The following BTNL9 variants were observed in gnomAD, a reference collection of about 807,000 sequenced individuals.
BTNL9 encodes butyrophilin-like protein 9.
In BTNL9, 45 loss-of-function variants were observed where a neutral mutation model predicts 45.8. The ratio of observed to expected loss-of-function variants is 0.98; its 90% CI spans 0.77 to 1.26. The LOEUF is 1.26. BTNL9 is among the 50% of genes most tolerant of loss of function. The probability of loss-of-function intolerance (pLI) is 0.00; values close to 1 mark genes in which losing one functional copy is unlikely to be tolerated. For synonymous variants in BTNL9, 346 were observed against 330.8 expected, an observed-to-expected ratio of 1.05 and a Z score of -0.50; for missense variants, 784 against 729.7, an observed-to-expected ratio of 1.07 and a Z score of -0.86.
In BTNL9 at chr5:181,053,583, G is replaced by T. The variant is rs775949303; in HGVS notation, c.886+82G>T. On this transcript the variant is annotated intron_variant, in intron 6 of 10. Coordinates refer to ENST00000327705, the MANE Select transcript of BTNL9 (RefSeq NM_152547.5). This position sits in a 1 kb window ranked among gnomAD's most constrained non-coding sequence, Gnocchi z 6.5. ...ATCTAAAGGCTGTGGGTCCCGTTAC[G>T]AGGGTTTATTCCAGCGCGAGGTGTC... 3 of 1,550,884 alleles carry T rather than the reference G, an allele frequency of 1.9e-6. No homozygotes were observed. In the Admixed American group the frequency reaches 5.9e-5, roughly 30 times the overall value.
intron 10 of BTNL9, 197 bp from the exon 11 acceptor site, chr5:181,059,040 A>T: frequency 2.2e-6 from 1 of 463,158 alleles, no homozygotes; most frequent in Non-Finnish European, 2.8e-6. Flanking sequence ...ATTCCTTGTC[A>T]CTATCAAACA....
chr5:181,047,706 C>T lies in BTNL9; in HGVS notation c.110-221C>T, dbSNP rs1049169238. Among the ~76,000 whole-genome samples the T allele has an allele frequency of 3.3e-5, 5 of 152,236 alleles. No homozygotes were observed. In the South Asian group the frequency reaches 8.3e-4, roughly 25 times the overall value. On this transcript the variant is annotated intron_variant, in intron 2 of 10. Coordinates refer to ENST00000327705, the MANE Select transcript of BTNL9 (RefSeq NM_152547.5). ...GAAACCAGTTACCAGCTCAGCACCA[C>T]AAATCTGGTTGTGATGTCACCTGTG...
chr5:181,048,100 A>G lies in BTNL9; in HGVS notation c.283A>G (p.Arg95Gly), dbSNP rs769285034. Residue 95 changes from arginine (R) to glycine (G), a missense_variant, in exon 3 of 11, where the codon AGG (arginine) becomes GGG (glycine). Transcript: ENST00000327705. ...LYQEQQELPGRQMPAFRNRTK... is the reference protein window; with the variant it reads ...LYQEQQELPGGQMPAFRNRTK... ...CCAGGAGCAGCAGGAGCTCCCTGGCAGGCAGATGCCGGCGTTCCGGAACAG... is the reference window on the plus strand; with the variant it reads ...CCAGGAGCAGCAGGAGCTCCCTGGCGGGCAGATGCCGGCGTTCCGGAACAG... The G allele has an allele frequency of 2.1e-5, 34 of 1,613,698 alleles. No individual in the cohort carries two copies. The South Asian group carries it at 3.4e-4, about 16-fold the overall frequency.
chr5:181,043,200 G>A (rs1397541419), intron 1 of BTNL9, among the ~76,000 whole-genome samples: 2 of 151,748 alleles, frequency 1.3e-5, no homozygotes, highest in Non-Finnish European at 2.9e-5. Flanking sequence ...GTGTGTGTAT[G>A]TGTCTGTGTG....
At chr5:181,045,679 A>C (rs961788603) in intron 2 of BTNL9, 81 bp downstream of exon 2, 13 of 1,144,366 alleles carry the variant, frequency 1.1e-5, no homozygotes, top group African/African-American at 1.5e-5. Context: ...CGATCTTAGC[A>C]CAGTACCAGG....
In BTNL9 at chr5:181,053,402, CG is replaced by C; in HGVS notation, c.854-66del. The C allele has an allele frequency of 6.5e-7, 1 of 1,534,066 alleles. No homozygotes were observed. Among genetic ancestry groups the C allele is most frequent in the Non-Finnish European group, 8.8e-7 (1 of 1,139,164 alleles). On this transcript the variant is annotated intron_variant, in intron 5 of 10. Transcript: ENST00000327705. The surrounding 1 kb of genome is among the most constrained non-coding windows in gnomAD (Gnocchi z 6.5). ...GGAGGCGCCTCCCCCCAGGACGCGG[CG>C]CGGGAAGGCGGCCTGGAAGGGGCGG...
At chr5:181,045,399 C>A in intron 1 of BTNL9, 68 bp from the exon 2 acceptor site, 2 of 824,010 alleles carry the variant, frequency 2.4e-6, no homozygotes, top group Non-Finnish European at 4.2e-6. Flanking sequence ...GACTTCAGGT[C>A]TGATGGAGTG....
At chr5:181,049,976 G>C (rs2113201390) in intron 3 of BTNL9, 112 bp from the exon 4 acceptor site, 1 of 1,367,164 alleles carries the variant, frequency 7.3e-7, no homozygotes, top group East Asian at 2.3e-5. Context: ...CTTAATAGCA[G>C]TCACACTTCA....
At position 181,059,794 on chromosome 5, in the gene BTNL9, G is replaced by A. The variant is rs567861680; in HGVS notation, c.1540G>A (p.Glu514Lys). The A allele has an allele frequency of 2.5e-6, 4 of 1,604,118 alleles. No homozygotes were observed. Among genetic ancestry groups the A allele is most frequent in the African/African-American group, 1.3e-5 (1 of 74,992 alleles). ...GCCGGTTAGAGGGACGGGCGTCCCC[G>A]AAGAGAACGACAGTGACACCTGGCT... ...PLPVRGTGVPEENDSDTWLQP... is the reference protein window; with the variant it reads ...PLPVRGTGVPKENDSDTWLQP... Residue 514 changes from glutamate (E) to lysine (K), a missense_variant, in exon 11 of 11, where the codon GAA becomes AAA. Coordinates refer to ENST00000327705, the MANE Select transcript of BTNL9 (RefSeq NM_152547.5).
intron 6 of BTNL9, 56 bp from the exon 7 acceptor site, chr5:181,054,183 C>T: frequency 6.2e-7 from 1 of 1,611,044 alleles, no homozygotes; most frequent in Non-Finnish European, 8.5e-7. Flanking sequence ...CTGCCTCATT[C>T]CCCAACCTGA....
In BTNL9 at chr5:181,049,017, AT is replaced by A. The variant is rs531802099; in HGVS notation, c.454+755del. ...CAAATCAAAGCTATGTCAAAATGCAATTTTTTTTTAACTGTCAGACTAGCAA... is the reference window on the plus strand; with the variant it reads ...CAAATCAAAGCTATGTCAAAATGCAATTTTTTTTAACTGTCAGACTAGCAA... On this transcript the variant is annotated intron_variant, in intron 3 of 10. Transcript: ENST00000327705. Among the ~76,000 whole-genome samples the A allele has an allele frequency of 2.2e-4, 32 of 148,384 alleles. No homozygotes were observed. In the South Asian group the frequency reaches 4.0e-3, roughly 19 times the overall value.
At chr5:181,047,874 T>C (rs1761264985) in intron 2 of BTNL9, 53 bp from the exon 3 acceptor site, 4 of 1,508,952 alleles carry the variant, frequency 2.7e-6, no homozygotes, top group East Asian at 2.3e-5. Context: ...TGTGATAACT[T>C]TTTTAAAAAT....
chr5:181,056,688 G>A, intron 9 of BTNL9: 1 of 704,516 alleles, frequency 1.4e-6, no homozygotes, highest in Non-Finnish European at 2.6e-6. Flanking sequence ...GGGGACTGCT[G>A]GCCCATGGTG....
At chr5:181,047,868 A>G in intron 2 of BTNL9, 59 bp from the exon 3 acceptor site, 1 of 1,448,634 alleles carries the variant, frequency 6.9e-7, no homozygotes, top group South Asian at 1.3e-5. Context: ...AAGGGGTGTG[A>G]TAACTTTTTT....
At chr5:181,046,067 C>T (rs28612982) in intron 2 of BTNL9, among the ~76,000 whole-genome samples, 280 of 121,386 alleles carry the variant, frequency 2.3e-3, no homozygotes, top group African/African-American at 7.3e-3. Flanking sequence ...CTCCCCAGCC[C>T]CCAACACCTC....
Position 181,053,447 on chromosome 5 carries a change from C to T in BTNL9, c.854-22C>T, listed in dbSNP as rs543007670. ...GGGGCGGGGGCGCGCACTCAGCCCT[C>T]TCCGCTCCCGTTTCCCTTCAGAAAA... On this transcript the variant is annotated intron_variant, in intron 5 of 10. Transcript: ENST00000327705. The surrounding 1 kb of genome is among the most constrained non-coding windows in gnomAD (Gnocchi z 6.5). The T allele has an allele frequency of 3.8e-6, 6 of 1,560,394 alleles. No homozygotes were observed. Among genetic ancestry groups the T allele is most frequent in the Non-Finnish European group, 5.2e-6 (6 of 1,152,942 alleles).
intron 9 of BTNL9, chr5:181,056,528 C>T (rs1397420864): frequency 1.4e-6 from 1 of 717,066 alleles, no homozygotes; most frequent in African/African-American, 1.7e-5. Context: ...GTTTTTCCTC[C>T]TTACTGCAGA....
At chr5:181,048,802 T>C (rs1181171898) in intron 3 of BTNL9, among the ~76,000 whole-genome samples, 1 of 35,992 alleles carries the variant, frequency 2.8e-5, no homozygotes, top group African/African-American at 1.3e-4. Context: ...AGTTATATAT[T>C]ATATAATTAT....
At position 181,050,911 on chromosome 5, in the gene BTNL9, T is replaced by TC. The variant is rs1402101783; in HGVS notation, c.736+546dup. 4.6e-5 allele frequency among the ~76,000 whole-genome samples: 7 copies of TC among 151,508 alleles called. No homozygotes were observed. The South Asian group carries it at 1.5e-3, about 32-fold the overall frequency. On this transcript the variant is annotated intron_variant, in intron 4 of 10. Coordinates refer to ENST00000327705, the MANE Select transcript of BTNL9 (RefSeq NM_152547.5). This position sits in a 1 kb window ranked among gnomAD's most constrained non-coding sequence, Gnocchi z 4.9. ...AGACCAGCCTGGCCAAGATGGTGAA[T>TC]CCCCATCTCTACTAAAATTACAAAA... is the stretch of plus-strand genomic sequence containing the variant.
Sources: allele counts gnomAD v4.1 joint callset (sites outside exome capture counted in the v4.1 genomes callset), GRCh38; gene constraint gnomAD v4.1.1; non-coding constraint Gnocchi (gnomAD v3.1); transcripts MANE v1.5; gene names NCBI Gene and HGNC (gene_info 2026-07-23, HGNC 2026-07-21).